The following SEMA3A variants were observed in gnomAD, a reference collection of about 807,000 sequenced individuals.
SEMA3A encodes the protein semaphorin-3A.
SEMA3A carries 29 observed loss-of-function variants against 97.9 expected under a neutral mutation model. The observed-to-expected ratio is 0.30, with a 90% CI of 0.22 to 0.40. The LOEUF (loss-of-function observed/expected upper bound fraction) is 0.40, where lower values mean the gene tolerates loss of function less well. SEMA3A is among the 10% of genes least tolerant of loss of function. SEMA3A has a pLI of 1.00. For missense variants in SEMA3A, 763 were observed against 951.3 expected (o/e 0.80, Z 2.60); for synonymous variants, 321 against 323.7 (o/e 0.99, Z 0.09).
intron 1 of SEMA3A, among the ~76,000 whole-genome samples, chr7:84,486,116 G>A (rs1209932154): frequency 5.9e-5 from 9 of 152,280 alleles, no homozygotes; most frequent in South Asian, 2.1e-4. Flanking sequence ...CAGGCCAGGC[G>A]TGGTGGCTCA....
intron 4 of SEMA3A, among the ~76,000 whole-genome samples, chr7:84,065,447 C>CA (rs1379482455): frequency 6.6e-6 from 1 of 150,990 alleles, no homozygotes; most frequent in Admixed American, 6.6e-5. Flanking sequence ...AGTAGAGACA[C>CA]AAAAAACCCT....
intron 4 of SEMA3A, among the ~76,000 whole-genome samples, chr7:84,099,201 G>T (rs1794874295): frequency 9.1e-6 from 1 of 110,046 alleles, no homozygotes; most frequent in African/African-American, 2.7e-5. Flanking sequence ...CTCCCGAGTA[G>T]CTGGGACTAC....
chr7:84,192,908 G>A (rs1404200359), intron 1 of SEMA3A, among the ~76,000 whole-genome samples: 1 of 151,806 alleles, frequency 6.6e-6, no homozygotes, highest in Non-Finnish European at 1.5e-5. Flanking sequence ...TGGATAAAGT[G>A]GACCATCAAC....
At chr7:84,102,593 T>A (rs1409977642) in intron 4 of SEMA3A, among the ~76,000 whole-genome samples, 5 of 143,810 alleles carry the variant, frequency 3.5e-5, no homozygotes, top group Admixed American at 1.4e-4. Flanking sequence ...TATCGCTTTT[T>A]TTTTTTTTTT....
chr7:84,110,679 C>A (rs1795253572), intron 3 of SEMA3A, 90 bp from the exon 4 acceptor site: 3 of 1,366,828 alleles, frequency 2.2e-6, no homozygotes, highest in African/African-American at 1.5e-5. Flanking sequence ...ACAGATTTGT[C>A]TTTTGTTTTC....
At chr7:84,064,055 A>G (rs1420156579) in intron 4 of SEMA3A, among the ~76,000 whole-genome samples, 2 of 152,326 alleles carry the variant, frequency 1.3e-5, no homozygotes, top group Non-Finnish European at 2.9e-5. Flanking sequence ...AGCCCATCAG[A>G]CTAACAGCTG....
intron 3 of SEMA3A, among the ~76,000 whole-genome samples, chr7:84,119,442 A>T (rs1795535726): frequency 6.6e-6 from 1 of 152,214 alleles, no homozygotes; most frequent in African/African-American, 2.4e-5. Context: ...TCCAAAAGTA[A>T]GTAGACGTAT....
intron 3 of SEMA3A, among the ~76,000 whole-genome samples, chr7:84,262,650 C>T (rs1480809838): frequency 6.6e-6 from 1 of 152,232 alleles, no homozygotes; most frequent in Non-Finnish European, 1.5e-5. Flanking sequence ...TTCATATCTA[C>T]TTCTATATCT....
chr7:84,415,816 T>A (rs538939701), intron 1 of SEMA3A, among the ~76,000 whole-genome samples: 1 of 150,856 alleles, frequency 6.6e-6, no homozygotes, highest in South Asian at 2.1e-4. Context: ...AGGACATAGC[T>A]TTGCAGTGAC....
intron 1 of SEMA3A, among the ~76,000 whole-genome samples, chr7:84,190,334 TA>T (rs1377244677): frequency 1.3e-5 from 2 of 151,690 alleles, no homozygotes; most frequent in Non-Finnish European, 3.0e-5. Flanking sequence ...AATAGATGAA[TA>T]AAAAGTTCTA....
At chr7:84,134,147 C>T in intron 2 of SEMA3A, among the ~76,000 whole-genome samples, 1 of 152,100 alleles carries the variant, frequency 6.6e-6, no homozygotes, top group East Asian at 1.9e-4. Context: ...GAACTTATAT[C>T]CTGCTGATGT....
At chr7:84,132,251 G>C (rs989762605) in intron 2 of SEMA3A, among the ~76,000 whole-genome samples, 4 of 152,104 alleles carry the variant, frequency 2.6e-5, no homozygotes, top group Non-Finnish European at 4.4e-5. Context: ...TAAACTCAAA[G>C]GCAAGTGCTA....
At chr7:84,399,397 C>T (rs1465014124) in intron 1 of SEMA3A, among the ~76,000 whole-genome samples, 2 of 152,200 alleles carry the variant, frequency 1.3e-5, no homozygotes, top group East Asian at 1.9e-4. Flanking sequence ...TGGTGCCACA[C>T]TGCTCTCAGA....
At chr7:84,227,502 C>A (rs1334987294) in intron 3 of SEMA3A, among the ~76,000 whole-genome samples, 2 of 151,936 alleles carry the variant, frequency 1.3e-5, no homozygotes, top group African/African-American at 4.8e-5. Context: ...TCATTCTATC[C>A]ATCTTCTCAA....
At chr7:84,342,921 G>A (rs1472167447) in intron 2 of SEMA3A, among the ~76,000 whole-genome samples, 7 of 152,168 alleles carry the variant, frequency 4.6e-5, no homozygotes, top group Non-Finnish European at 7.3e-5. Context: ...ATGGCCTCCT[G>A]ATTGTGCTTA....
At chr7:83,971,571 T>G (rs1365080171) in intron 15 of SEMA3A, among the ~76,000 whole-genome samples, 2 of 152,194 alleles carry the variant, frequency 1.3e-5, no homozygotes, top group Non-Finnish European at 2.9e-5. Context: ...GTCTTTCCAA[T>G]GTCTAGTATG....
intron 4 of SEMA3A, among the ~76,000 whole-genome samples, chr7:84,081,053 G>A (rs1426107720): frequency 6.6e-6 from 1 of 151,850 alleles, no homozygotes; most frequent in Non-Finnish European, 1.5e-5. Context: ...TTAAAACAAT[G>A]CAAGAGGTTT....
intron 1 of SEMA3A, among the ~76,000 whole-genome samples, chr7:84,402,940 G>T (rs769151382): frequency 6.6e-6 from 1 of 151,940 alleles, no homozygotes; most frequent in Non-Finnish European, 1.5e-5. Context: ...AAGACAGGTT[G>T]GTTTACAAAA....
At chr7:84,185,301 T>A (rs1797844766) in intron 1 of SEMA3A, among the ~76,000 whole-genome samples, 1 of 152,080 alleles carries the variant, frequency 6.6e-6, no homozygotes, top group African/African-American at 2.4e-5. Flanking sequence ...TACAACGTTG[T>A]CTAATATATA....
Sources: gnomAD v4.1 joint callset for allele counts (sites outside exome capture counted in the v4.1 genomes callset) on GRCh38, gnomAD v4.1.1 for gene constraint, MANE v1.5 for transcripts, NCBI Gene and HGNC (gene_info 2026-07-23, HGNC 2026-07-21) for gene names.